The following CLCA4 variants were observed in gnomAD, a reference collection of about 807,000 sequenced individuals.
CLCA4 encodes chloride channel accessory 4.
In CLCA4, 69 loss-of-function variants were observed where a neutral mutation model predicts 78.9. That is an observed-to-expected ratio of 0.87 (90% CI 0.72 to 1.07). CLCA4 has a LOEUF of 1.07. Ranked by LOEUF, CLCA4 falls within the 50% of genes least tolerant of loss-of-function variation. The pLI, the probability that CLCA4 is intolerant of heterozygous loss-of-function variation, is 0.00. For synonymous variants in CLCA4, 362 were observed against 375.8 expected, an observed-to-expected ratio of 0.96 and a Z score of 0.42; for missense variants, 1,133 against 1,095.8, an observed-to-expected ratio of 1.03 and a Z score of -0.48.
chr1:86,556,832 T>C (rs890862723), intron 1 of CLCA4, among the ~76,000 whole-genome samples: 3 of 151,868 alleles, frequency 2.0e-5, no homozygotes, highest in African/African-American at 7.2e-5. Context: ...TGTTTGTTTG[T>C]TTGTTGTTTG....
At chr1:86,555,832 A>G (rs1649824613) in intron 1 of CLCA4, among the ~76,000 whole-genome samples, 2 of 152,232 alleles carry the variant, frequency 1.3e-5, no homozygotes, top group African/African-American at 4.8e-5. Context: ...ATCGATGAGC[A>G]TGGGATGTTT....
intron 1 of CLCA4, among the ~76,000 whole-genome samples, chr1:86,558,786 G>A (rs1649928054): frequency 6.6e-6 from 1 of 152,056 alleles, no homozygotes; most frequent in African/African-American, 2.4e-5. Flanking sequence ...ATCTCCACCT[G>A]GTCCCTTCCA....
At chr1:86,553,285 C>A in intron 1 of CLCA4, 2 of 745,314 alleles carry the variant, frequency 2.7e-6, no homozygotes, top group East Asian at 5.2e-5. Context: ...CCGGCCAGGG[C>A]TCCCTCCACG....
intron 1 of CLCA4, among the ~76,000 whole-genome samples, chr1:86,557,780 G>T (rs867094395): frequency 6.6e-5 from 10 of 152,028 alleles, no homozygotes; most frequent in African/African-American, 2.4e-4. Flanking sequence ...TTAATTTTCT[G>T]CCTCAATGAA....
intron 1 of CLCA4, among the ~76,000 whole-genome samples, chr1:86,549,797 T>G (rs1398362538): frequency 9.2e-5 from 14 of 152,136 alleles, no homozygotes; most frequent in Admixed American, 9.2e-4. Flanking sequence ...AATCAAGAGT[T>G]AGTTGGTTGG....
At chr1:86,574,272 G>A (rs1650441442) in intron 9 of CLCA4, among the ~76,000 whole-genome samples, 3 of 151,942 alleles carry the variant, frequency 2.0e-5, no homozygotes, top group Admixed American at 6.6e-5. Flanking sequence ...ATGAATGCTT[G>A]CCAAGACAAC....
rs751030317 is a variant in CLCA4, at chr1:86,559,954, C to T, written c.182C>T (p.Thr61Met). 1.1e-4 allele frequency: 175 copies of T among 1,600,026 alleles called. No homozygotes were observed. Among genetic ancestry groups the T allele is most frequent in the Middle Eastern group, 1.7e-4 (1 of 5,994 alleles). Residue 61 changes from threonine (T) to methionine (M), a missense_variant, in exon 2 of 14, where the codon ACG becomes ATG. Thr to Met is a moderately conservative substitution (Grantham distance 81, BLOSUM62 -1). Transcript: ENST00000370563. ...QIEDMVTTASTYLFEATEKRF... is the reference protein window; with the variant it reads ...QIEDMVTTASMYLFEATEKRF... ...CAGGATATGGTGACTACAGCTTCTA[C>T]GTACCTGTTTGAAGCCACAGAAAAA... is the stretch of plus-strand genomic sequence containing the variant.
At chr1:86,555,645 TTGTTC>T (rs1649816832) in intron 1 of CLCA4, among the ~76,000 whole-genome samples, 1 of 152,194 alleles carries the variant, frequency 6.6e-6, no homozygotes, top group African/African-American at 2.4e-5. Flanking sequence ...GCCTCCAGTT[TTGTTC>T]TTTTTGCTTA....
At chr1:86,565,194 A>C in intron 4 of CLCA4, 80 bp from the exon 5 acceptor site, 1 of 949,280 alleles carries the variant, frequency 1.1e-6, no homozygotes, top group Non-Finnish European at 1.6e-6. Context: ...TATAAAGTTC[A>C]TCATGAATAG....
chr1:86,571,350 G>A, intron 8 of CLCA4, 96 bp downstream of exon 8: 1 of 1,252,080 alleles, frequency 8.0e-7, no homozygotes, highest in Non-Finnish European at 1.1e-6. Context: ...TGCCTTGGAG[G>A]CACTGAAGCT....
At chr1:86,565,568 C>A in intron 5 of CLCA4, 117 bp downstream of exon 5, 1 of 781,044 alleles carries the variant, frequency 1.3e-6, no homozygotes, top group Non-Finnish European at 2.0e-6. Context: ...GTTCTTTGAA[C>A]ACTGGCTAAC....
chr1:86,568,442 T>C lies in CLCA4; in HGVS notation c.1182+791T>C, dbSNP rs1324406291. On this transcript the variant is annotated intron_variant, in intron 7 of 13. Transcript: ENST00000370563. ...AATATATGTATAATTATTATGAACA[T>C]TATTTTTAGCCAAATGGTCATCTTG... Among the ~76,000 whole-genome samples the C allele has an allele frequency of 1.3e-5, 2 of 150,514 alleles. 1 individual carries two copies. The highest frequency in any genetic ancestry group is 3.0e-5 in the Non-Finnish European group (2 of 67,628).
chr1:86,562,672 G>A (rs974094676), intron 3 of CLCA4, among the ~76,000 whole-genome samples: 130 of 152,074 alleles, frequency 8.5e-4, no homozygotes, highest in African/African-American at 3.0e-3. Flanking sequence ...GGCCAACGTG[G>A]TGAAACCCCA....
chr1:86,560,081 C>A lies in CLCA4; in HGVS notation c.300+9C>A, dbSNP rs2231581. On this transcript the variant is annotated intron_variant, in intron 2 of 13. Transcript: ENST00000370563. ...ATGAAAACCATAAACATGTAAGTGTCGAAATATTCTCTTAAAAAATTATAT... is the reference window on the plus strand; with the variant it reads ...ATGAAAACCATAAACATGTAAGTGTAGAAATATTCTCTTAAAAAATTATAT... 1.3e-6 allele frequency: 2 copies of A among 1,570,280 alleles called. No homozygotes were observed. Among genetic ancestry groups the A allele is most frequent in the South Asian group, 1.2e-5 (1 of 83,100 alleles).
intron 1 of CLCA4, among the ~76,000 whole-genome samples, chr1:86,548,909 T>A (rs903224276): frequency 6.6e-6 from 1 of 152,120 alleles, no homozygotes; most frequent in Non-Finnish European, 1.5e-5. Context: ...GGCACAGGGC[T>A]CCCTGACACT....
At chr1:86,573,262 T>A (rs534715402) in intron 9 of CLCA4, among the ~76,000 whole-genome samples, 1 of 151,950 alleles carries the variant, frequency 6.6e-6, no homozygotes, top group African/African-American at 2.4e-5. Context: ...TTTTTTTTTA[T>A]TCACCTGTCT....
At chr1:86,577,208 G>A (rs1650546472) in intron 11 of CLCA4, among the ~76,000 whole-genome samples, 1 of 151,996 alleles carries the variant, frequency 6.6e-6, no homozygotes. Flanking sequence ...TTTGCTAGAT[G>A]ACCATTTAGG....
chr1:86,549,176 G>A (rs946759983), intron 1 of CLCA4, among the ~76,000 whole-genome samples: 5 of 152,112 alleles, frequency 3.3e-5, no homozygotes, highest in African/African-American at 9.7e-5. Flanking sequence ...GGGAGAATGT[G>A]GGTTGCTATT....
Position 86,580,295 on chromosome 1 carries a change from G to T in CLCA4, c.2710G>T (p.Val904Leu). ...TAATATTTCTACGCTGGTATTGTCT[G>T]TGATTGGGTCTGTTGTAATTGTTAA... Reference protein sequence around the residue: ...GVNISTLVLSVIGSVVIVNFI... With the variant: ...GVNISTLVLSLIGSVVIVNFI... Residue 904 changes from valine to leucine, a missense_variant, in exon 14 of 14, where the codon GTG (valine) becomes TTG (leucine). Coordinates refer to ENST00000370563, the MANE Select transcript of CLCA4 (RefSeq NM_012128.4). 1 of 1,610,538 alleles carries T rather than the reference G, an allele frequency of 6.2e-7. No homozygotes were observed. Among genetic ancestry groups the T allele is most frequent in the East Asian group, 2.2e-5 (1 of 44,746 alleles).
Sources: gnomAD v4.1 joint callset for allele counts (sites outside exome capture counted in the v4.1 genomes callset) on GRCh38, gnomAD v4.1.1 for gene constraint, MANE v1.5 for transcripts, NCBI Gene and HGNC (gene_info 2026-07-23, HGNC 2026-07-21) for gene names.